The following PHACTR3 variants were observed in gnomAD, a reference collection of about 807,000 sequenced individuals.
PHACTR3 encodes the protein phosphatase and actin regulator 3, also known as protein phosphatase 1, regulatory subunit 123.
A neutral mutation model predicts 66.8 loss-of-function variants in PHACTR3; 16 were observed. That is an observed-to-expected ratio of 0.24 (90% CI 0.16 to 0.36). The LOEUF (loss-of-function observed/expected upper bound fraction) is 0.36. Among genes scored for constraint, PHACTR3 ranks in the 10% least tolerant of loss-of-function variants. The pLI is 1.00. For missense variants in PHACTR3, 647 were observed against 719.9 expected (o/e 0.90, Z 1.16); for synonymous variants, 323 against 292.1 (o/e 1.11, Z -1.08).
intron 7 of PHACTR3, among the ~76,000 whole-genome samples, chr20:59,782,951 CCTT>C (rs1242026108): frequency 2.0e-5 from 3 of 152,166 alleles, no homozygotes; most frequent in Non-Finnish European, 4.4e-5. Context: ...GTAAAGAAAG[CCTT>C]CTTTGCAGGC....
chr20:59,618,508 G>A (rs1391241145), intron 1 of PHACTR3, among the ~76,000 whole-genome samples: 2 of 152,204 alleles, frequency 1.3e-5, no homozygotes, highest in Non-Finnish European at 2.9e-5. Context: ...GGTTTGCAGA[G>A]CTCATTCAGA....
chr20:59,819,171 G>A (rs1041554051), intron 8 of PHACTR3, among the ~76,000 whole-genome samples: 10 of 152,278 alleles, frequency 6.6e-5, no homozygotes, highest in Non-Finnish European at 1.3e-4. Flanking sequence ...TTGGGAAGCC[G>A]AGGCAGGAGA....
intron 7 of PHACTR3, among the ~76,000 whole-genome samples, chr20:59,781,581 C>A (rs982701333): frequency 1.3e-5 from 2 of 152,086 alleles, no homozygotes; most frequent in Non-Finnish European, 2.9e-5. Flanking sequence ...AGCCCTGCTG[C>A]CAAGGTTTTC....
chr20:59,798,450 G>A (rs946462094), intron 7 of PHACTR3, among the ~76,000 whole-genome samples: 1 of 152,148 alleles, frequency 6.6e-6, no homozygotes, highest in Non-Finnish European at 1.5e-5. Flanking sequence ...TTCTCTAAAT[G>A]TTTTGTAGAA....
chr20:59,736,225 T>A lies in PHACTR3; in HGVS notation c.119-6882T>A, dbSNP rs1217815687. Among the ~76,000 whole-genome samples the A allele has an allele frequency of 6.6e-6, 1 of 152,052 alleles. No homozygotes were observed. Among genetic ancestry groups the A allele is most frequent in the Non-Finnish European group, 1.5e-5 (1 of 67,992 alleles). On this transcript the variant is annotated intron_variant, in intron 1 of 12. Coordinates refer to ENST00000371015, the MANE Select transcript of PHACTR3 (RefSeq NM_080672.5). This position sits in a 1 kb window ranked among gnomAD's most constrained non-coding sequence, Gnocchi z 4.6. ...GACAGACATTTCCCATTAATTAACC[T>A]CTAATGCCTCAGAGGTGGCAGAGGT...
chr20:59,611,192 T>A (rs564533008), intron 1 of PHACTR3, among the ~76,000 whole-genome samples: 2 of 152,372 alleles, frequency 1.3e-5, no homozygotes, highest in African/African-American at 4.8e-5. Flanking sequence ...TAGGCATTAT[T>A]GTCCTTAAGT....
chr20:59,758,029 A>T (rs2039866617), intron 4 of PHACTR3, among the ~76,000 whole-genome samples: 1 of 152,172 alleles, frequency 6.6e-6, no homozygotes, highest in African/African-American at 2.4e-5. Flanking sequence ...CTGGCAGGTT[A>T]TCCCTGAGGG....
intron 1 of PHACTR3, among the ~76,000 whole-genome samples, chr20:59,657,432 G>A (rs755055117): frequency 6.6e-6 from 1 of 151,904 alleles, no homozygotes; most frequent in Non-Finnish European, 1.5e-5. Context: ...TTACTGTTTG[G>A]TGTCACTTGA....
chr20:59,621,530 A>G (rs915328295), intron 1 of PHACTR3, among the ~76,000 whole-genome samples: 1 of 152,242 alleles, frequency 6.6e-6, no homozygotes, highest in Non-Finnish European at 1.5e-5. Flanking sequence ...TTTCTGGTCC[A>G]TGATAAGATC....
At chr20:59,673,580 G>C (rs2146514204) in intron 1 of PHACTR3, among the ~76,000 whole-genome samples, 1 of 152,246 alleles carries the variant, frequency 6.6e-6, no homozygotes, top group South Asian at 2.1e-4. Context: ...AGCACCTGGG[G>C]CTCCCAAACA....
At chr20:59,577,626 G>A in intron 1 of PHACTR3, 2 of 1,207,572 alleles carry the variant, frequency 1.7e-6, no homozygotes, top group Non-Finnish European at 2.1e-6. Flanking sequence ...AGGTAAGCGC[G>A]CGCTGCGGGG....
At chr20:59,807,420 C>CGTA (rs2041602917) in intron 8 of PHACTR3, among the ~76,000 whole-genome samples, 1 of 152,214 alleles carries the variant, frequency 6.6e-6, no homozygotes, top group Non-Finnish European at 1.5e-5. Flanking sequence ...CAGTAACATG[C>CGTA]GTAGAGCTGT....
At chr20:59,611,132 G>T (rs2033831294) in intron 1 of PHACTR3, among the ~76,000 whole-genome samples, 1 of 152,174 alleles carries the variant, frequency 6.6e-6, no homozygotes. Context: ...TGTGACTTTG[G>T]GCAAGTCACT....
At chr20:59,693,568 T>C (rs892631384) in intron 1 of PHACTR3, among the ~76,000 whole-genome samples, 1 of 152,240 alleles carries the variant, frequency 6.6e-6, no homozygotes, top group African/African-American at 2.4e-5. Flanking sequence ...GCCCTGTCTG[T>C]AGCTTCACTA....
At chr20:59,793,017 C>T (rs181908816) in intron 7 of PHACTR3, among the ~76,000 whole-genome samples, 132 of 151,820 alleles carry the variant, frequency 8.7e-4, no homozygotes, top group African/African-American at 3.0e-3. Context: ...TCTGAGTAGC[C>T]GAGACTATAG....
At chr20:59,808,858 T>A (rs531782090) in intron 8 of PHACTR3, among the ~76,000 whole-genome samples, 1 of 152,246 alleles carries the variant, frequency 6.6e-6, no homozygotes, top group East Asian at 1.9e-4. Flanking sequence ...TGGGCCCAGA[T>A]CGTTCTCCGT....
intron 1 of PHACTR3, among the ~76,000 whole-genome samples, chr20:59,642,770 C>T (rs1042663099): frequency 6.6e-6 from 1 of 152,144 alleles, no homozygotes; most frequent in African/African-American, 2.4e-5. Flanking sequence ...GAACCCGGGG[C>T]AGAAGGAATG....
At chr20:59,670,717 G>A (rs891191760) in intron 1 of PHACTR3, among the ~76,000 whole-genome samples, 4 of 151,926 alleles carry the variant, frequency 2.6e-5, no homozygotes, top group African/African-American at 9.7e-5. Flanking sequence ...TATGTTTGTT[G>A]GACCTGTGAC....
intron 1 of PHACTR3, among the ~76,000 whole-genome samples, chr20:59,696,140 C>T (rs1221018751): frequency 6.6e-6 from 1 of 152,192 alleles, no homozygotes; most frequent in Non-Finnish European, 1.5e-5. Context: ...GAAGAGTGAA[C>T]ATAGTGCCAA....
Sources: allele counts gnomAD v4.1 joint callset (sites outside exome capture counted in the v4.1 genomes callset), GRCh38; gene constraint gnomAD v4.1.1; non-coding constraint Gnocchi (gnomAD v3.1); transcripts MANE v1.5; gene names NCBI Gene and HGNC (gene_info 2026-07-23, HGNC 2026-07-21).